NEIL1: variants seen among roughly 807,000 people sequenced by gnomAD.
NEIL1 encodes the protein endonuclease 8-like 1.
A neutral mutation model predicts 44.2 loss-of-function variants in NEIL1; 31 were observed. The observed-to-expected ratio is 0.70, with a 90% CI of 0.53 to 0.95. NEIL1 has a LOEUF of 0.95. Among genes scored for constraint, NEIL1 ranks in the 40% least tolerant of loss-of-function variants. The probability of loss-of-function intolerance (pLI) is 0.00; values close to 1 mark genes in which losing one functional copy is unlikely to be tolerated. For synonymous variants in NEIL1, 254 were observed against 209.7 expected (o/e 1.21, Z -1.83); for missense variants, 549 against 515.5 (o/e 1.07, Z -0.63).
intron 9 of NEIL1, 38 bp downstream of exon 9, chr15:75,354,856 A>G (rs1489674550): frequency 1.2e-6 from 2 of 1,613,422 alleles, no homozygotes; most frequent in African/African-American, 1.3e-5. Flanking sequence ...CTGGCTCTAC[A>G]GGAGAGGATG....
intron 1 of NEIL1, chr15:75,348,668 T>A: frequency 7.0e-7 from 1 of 1,424,052 alleles, no homozygotes; most frequent in South Asian, 1.5e-5. Flanking sequence ...GGCAGAGTCC[T>A]GCTCCCTCTG....
rs371363473 is a variant in NEIL1 at position 75,354,769 on chromosome 15, T to A, written c.1053T>A (p.Ala351=). Reference sequence around the variant, plus strand: ...CCAGCCTCCAGCAGGACCCAGAAGCTCCCACAGTGCCCAAGAAGGGGAGGA... The same window carrying A: ...CCAGCCTCCAGCAGGACCCAGAAGCACCCACAGTGCCCAAGAAGGGGAGGA... ...EGTSLQQDPE[A]PTVPKKGRRK... Residue 351 remains alanine (A), a synonymous_variant, in exon 9 of 10, where the codon GCT becomes GCA. Transcript: ENST00000355059. 8.7e-6 allele frequency: 14 copies of A among 1,613,968 alleles called. No individual in the cohort carries two copies. Among genetic ancestry groups the A allele is most frequent in the Non-Finnish European group, 1.1e-5 (13 of 1,179,986 alleles).
chr15:75,356,629 G>A lies in NEIL1; in HGVS notation c.*1595G>A, dbSNP rs1485593080. On this transcript the variant is annotated 3_prime_UTR_variant, in exon 10 of 10. Coordinates refer to ENST00000355059, the MANE Select transcript of NEIL1 (RefSeq NM_024608.4). The surrounding 1 kb of genome is among the most constrained non-coding windows in gnomAD (Gnocchi z 5.8). ...ACCCTTGTGCGGCATCAGTGCATAG[G>A]TGAACTCGTGGCGCCCCGTGTCAGC... is the stretch of plus-strand genomic sequence containing the variant. 7 of 1,566,428 alleles carry A rather than the reference G, an allele frequency of 4.5e-6. No individual in the cohort carries two copies. Among genetic ancestry groups the A allele is most frequent in the Non-Finnish European group, 6.1e-6 (7 of 1,156,052 alleles).
chr15:75,356,158 T>C lies in NEIL1; in HGVS notation c.*1124T>C. The C allele has an allele frequency of 6.2e-7, 1 of 1,613,582 alleles. No homozygotes were observed. Among genetic ancestry groups the C allele is most frequent in the Non-Finnish European group, 8.5e-7 (1 of 1,179,982 alleles). ...CGACAAGTGCAGCCAGCAGTCCACG[T>C]GGCTGCCGTGGGCCTCATACAGCCT... On this transcript the variant is annotated 3_prime_UTR_variant, in exon 10 of 10. Transcript: ENST00000355059. This position sits in a 1 kb window ranked among gnomAD's most constrained non-coding sequence, Gnocchi z 5.8.
chr15:75,356,143 A>G lies in NEIL1; in HGVS notation c.*1109A>G, dbSNP rs1299929061. 1 of 1,613,760 alleles carries G rather than the reference A, an allele frequency of 6.2e-7. No individual in the cohort carries two copies. Among genetic ancestry groups the G allele is most frequent in the Non-Finnish European group, 8.5e-7 (1 of 1,180,000 alleles). On this transcript the variant is annotated 3_prime_UTR_variant, in exon 10 of 10. Coordinates refer to ENST00000355059, the MANE Select transcript of NEIL1 (RefSeq NM_024608.4). The surrounding 1 kb of genome is among the most constrained non-coding windows in gnomAD (Gnocchi z 5.8). ...CTCCTGAACCGGCAGCGACAAGTGC[A>G]GCCAGCAGTCCACGTGGCTGCCGTG... is the stretch of plus-strand genomic sequence containing the variant.
In NEIL1 at chr15:75,356,197, C is replaced by A. The variant is rs377647987; in HGVS notation, c.*1163C>A. 3.3e-5 allele frequency: 53 copies of A among 1,613,262 alleles called. No individual in the cohort carries two copies. The highest frequency in any genetic ancestry group is 4.1e-5 in the Non-Finnish European group (48 of 1,179,938). On this transcript the variant is annotated 3_prime_UTR_variant, in exon 10 of 10. Coordinates refer to ENST00000355059, the MANE Select transcript of NEIL1 (RefSeq NM_024608.4). This position sits in a 1 kb window ranked among gnomAD's most constrained non-coding sequence, Gnocchi z 5.8. ...CTCATACAGCCTCAGGACCAGCGAG[C>A]GGCGCTGGGGGCTGCTCTCCGCCTG... is the stretch of plus-strand genomic sequence containing the variant.
At chr15:75,352,456 G>T in intron 4 of NEIL1, 69 bp downstream of exon 4, 1 of 1,588,344 alleles carries the variant, frequency 6.3e-7, no homozygotes, top group South Asian at 1.1e-5. Flanking sequence ...CAAGGAGATG[G>T]GTGGGGTCAG....
At chr15:75,350,039 GA>G (rs1438239389) in intron 2 of NEIL1, among the ~76,000 whole-genome samples, 1 of 152,218 alleles carries the variant, frequency 6.6e-6, no homozygotes, top group African/African-American at 2.4e-5. Flanking sequence ...ATGGGGAGGG[GA>G]CTATCTCATG....
chr15:75,350,128 G>A lies in NEIL1; in HGVS notation c.434+789G>A, dbSNP rs896078369. On this transcript the variant is annotated intron_variant, in intron 2 of 9. Transcript: ENST00000355059. ...TTCTGTGTCCTGTGGTCTCCTCTGC[G>A]CCACTTCCCTGCCTGCAGTAGGGTG... Among the ~76,000 whole-genome samples the A allele has an allele frequency of 4.6e-5, 7 of 152,222 alleles. No individual in the cohort carries two copies. The East Asian group carries it at 7.7e-4, about 17-fold the overall frequency.
chr15:75,349,664 A>C, intron 2 of NEIL1: 2 of 271,010 alleles, frequency 7.4e-6, no homozygotes, highest in East Asian at 7.6e-5. Flanking sequence ...AAATACAAAA[A>C]TTAGCCGGGC....
chr15:75,352,410 C>T (rs1390369422), intron 4 of NEIL1, 23 bp downstream of exon 4: 1 of 1,612,290 alleles, frequency 6.2e-7, no homozygotes, highest in African/African-American at 1.3e-5. Context: ...AGGGATGGAG[C>T]ACACGTGCTG....
intron 1 of NEIL1, chr15:75,348,177 G>A: frequency 1.4e-6 from 1 of 700,962 alleles, no homozygotes; most frequent in Non-Finnish European, 1.8e-6. Flanking sequence ...CATGGCGGCA[G>A]CCCGCCCGCC....
At chr15:75,352,787 C>G in intron 5 of NEIL1, 86 bp downstream of exon 5, 1 of 1,105,488 alleles carries the variant, frequency 9.0e-7, no homozygotes, top group South Asian at 1.4e-5. Flanking sequence ...CCTGATTCAC[C>G]GATTTGGAAG....
chr15:75,349,152 G>A lies in NEIL1; in HGVS notation c.247G>A (p.Gly83Ser), dbSNP rs777619959. 3.7e-6 allele frequency: 6 copies of A among 1,609,762 alleles called. No individual in the cohort carries two copies. The African/African-American group carries it at 4.0e-5, about 11-fold the overall frequency. ...LALVFRFGMS[G>S]SFQLVPREEL... ...CCTGGTCTTCCGCTTCGGCATGTCC[G>A]GCTCTTTTCAGCTGGTGCCCCGCGA... Residue 83 changes from glycine to serine, a missense_variant, in exon 2 of 10, where the codon GGC becomes AGC. Gly to Ser is a moderately conservative substitution (Grantham distance 56). Coordinates refer to ENST00000355059, the MANE Select transcript of NEIL1 (RefSeq NM_024608.4).
chr15:75,357,032 C>A lies in NEIL1; in HGVS notation c.*1998C>A. ...CAACTGAACTCCAGCTCCCACTGTACGGGGCCCTGGGCATGCCACCCAACC... is the reference window on the plus strand; with the variant it reads ...CAACTGAACTCCAGCTCCCACTGTAAGGGGCCCTGGGCATGCCACCCAACC... On this transcript the variant is annotated 3_prime_UTR_variant, in exon 10 of 10. Coordinates refer to ENST00000355059, the MANE Select transcript of NEIL1 (RefSeq NM_024608.4). 2 of 719,630 alleles carry A rather than the reference C, an allele frequency of 2.8e-6. No homozygotes were observed. The highest frequency in any genetic ancestry group is 4.7e-6 in the Non-Finnish European group (2 of 427,770). 44.6% of individuals were successfully genotyped at this position (719,630 alleles called of 1,614,324 possible).
chr15:75,348,143 G>C lies in NEIL1; in HGVS notation c.-23+670G>C, dbSNP rs892038999. The stretch of plus-strand genomic sequence containing the variant: ...TCCTGGTGCCCGCCGTCCTCCTGCG[G>C]AGCCATGGGGAGCGGCTCCAGCGCA... On this transcript the variant is annotated intron_variant, in intron 1 of 9. Coordinates refer to ENST00000355059, the MANE Select transcript of NEIL1 (RefSeq NM_024608.4). The C allele has an allele frequency of 5.6e-6, 4 of 711,772 alleles. No homozygotes were observed. The East Asian group carries it at 3.6e-4, about 64-fold the overall frequency. The allele number at this position is 711,772 out of a possible 1,614,324, so 44.1% of individuals were successfully genotyped here.
intron 5 of NEIL1, chr15:75,353,224 TACACACAC>T (rs10653888): frequency 2.3e-4 from 37 of 163,014 alleles, no homozygotes; most frequent in African/African-American, 7.9e-4. Flanking sequence ...TATATATTTA[TACACACAC>T]ACACACACAC....
At chr15:75,348,822 C>T (rs2071645375) in intron 1 of NEIL1, 62 bp from the exon 2 acceptor site, 1 of 1,547,852 alleles carries the variant, frequency 6.5e-7, no homozygotes. Flanking sequence ...AAAAATGGGG[C>T]TGACAGCCGC....
intron 2 of NEIL1, 55 bp downstream of exon 2, chr15:75,349,394 C>T: frequency 1.3e-6 from 2 of 1,500,028 alleles, no homozygotes; most frequent in Admixed American, 2.0e-5. Flanking sequence ...ACCTGACTCT[C>T]TTAGTGCCTT....
Sources: gnomAD v4.1 joint callset for allele counts (sites outside exome capture counted in the v4.1 genomes callset) on GRCh38, gnomAD v4.1.1 for gene constraint, Gnocchi (gnomAD v3.1) non-coding constraint, MANE v1.5 for transcripts, NCBI Gene and HGNC (gene_info 2026-07-23, HGNC 2026-07-21) for gene names.